Variants in MID1 observed in about 807,000 individuals in gnomAD.
MID1 encodes E3 ubiquitin-protein ligase Midline-1.
A neutral mutation model predicts 40.4 loss-of-function variants in MID1; 7 were observed. The observed-to-expected ratio is 0.17, with a 90% confidence interval of 0.10 to 0.33. MID1 has a LOEUF of 0.33. MID1 is among the 10% of genes least tolerant of loss of function. MID1 has a pLI of 1.00. For synonymous variants in MID1, 229 were observed against 221.2 expected (o/e 1.04, Z -0.31); for missense variants, 367 against 558.5 (o/e 0.66, Z 3.46).
At chrX:10,802,911 A>C (rs1342635534) in intron 1 of MID1, among the ~76,000 whole-genome samples, 1 of 111,962 alleles carries the variant, frequency 8.9e-6, no homozygotes, top group Non-Finnish European at 1.9e-5. Flanking sequence ...ACCCTAAGTC[A>C]ATTAACATAG....
chrX:10,783,564 C>G (rs771538719), intron 1 of MID1, among the ~76,000 whole-genome samples: 1 of 111,704 alleles, frequency 9.0e-6, no homozygotes, highest in Non-Finnish European at 1.9e-5. Context: ...ATGCGAGACA[C>G]CCAACAACCA....
chrX:10,511,995 G>T (rs1442563197), intron 3 of MID1, among the ~76,000 whole-genome samples: 1 of 112,268 alleles, frequency 8.9e-6, no homozygotes, highest in Non-Finnish European at 1.9e-5. Context: ...GGATTTTAGA[G>T]CATTTCGGAT....
intron 1 of MID1, among the ~76,000 whole-genome samples, chrX:10,725,355 GA>G (rs1924117694): frequency 1.8e-5 from 2 of 111,281 alleles, no homozygotes; most frequent in African/African-American, 6.5e-5. Context: ...TTTGATGAAA[GA>G]AAAGAGAACA....
At chrX:10,672,544 G>A (rs914897295) in intron 1 of MID1, among the ~76,000 whole-genome samples, 5 of 111,066 alleles carry the variant, frequency 4.5e-5, no homozygotes, top group East Asian at 2.8e-4. Flanking sequence ...AACATGCAGC[G>A]CCATGAGCCA....
chrX:10,580,198 G>A (rs866535483), intron 1 of MID1, among the ~76,000 whole-genome samples: 100 of 38,869 alleles, frequency 2.6e-3, no homozygotes, highest in African/African-American at 9.8e-3. Context: ...GCCCCCCCCC[G>A]CCCCGCCCTT....
At chrX:10,692,948 T>G (rs1471715928) in intron 1 of MID1, among the ~76,000 whole-genome samples, 1 of 111,301 alleles carries the variant, frequency 9.0e-6, no homozygotes, top group Non-Finnish European at 1.9e-5. Flanking sequence ...TAATCAACAC[T>G]TCTTCCCCAA....
At chrX:10,811,396 A>T (rs1461428252) in intron 1 of MID1, among the ~76,000 whole-genome samples, 2 of 112,007 alleles carry the variant, frequency 1.8e-5, no homozygotes, top group Non-Finnish European at 3.8e-5. Context: ...TAACACATTG[A>T]CTCCATTTAA....
chrX:10,544,392 T>C (rs193231135), intron 2 of MID1, among the ~76,000 whole-genome samples: 1 of 111,733 alleles, frequency 8.9e-6, no homozygotes, highest in Non-Finnish European at 1.9e-5. Context: ...CCAAAGAGAT[T>C]TGAAATCTTA....
chrX:10,799,809 TATTTCCCAAAGAAGAA>T (rs992826484), intron 1 of MID1, among the ~76,000 whole-genome samples: 2 of 111,938 alleles, frequency 1.8e-5, no homozygotes, highest in Admixed American at 9.5e-5. Flanking sequence ...TTTATTCCCA[TATTTCCCAAAGAAGAA>T]ATTTCCCAAA....
At chrX:10,459,534 G>T in intron 8 of MID1, 112 bp downstream of exon 8, 1 of 839,175 alleles carries the variant, frequency 1.2e-6, no homozygotes, top group Non-Finnish European at 1.8e-6. Flanking sequence ...TACTTGTTTT[G>T]GGGGGCTGTC....
chrX:10,545,103 C>G (rs1933631536), intron 2 of MID1, among the ~76,000 whole-genome samples: 1 of 110,993 alleles, frequency 9.0e-6, no homozygotes, highest in South Asian at 3.8e-4. Context: ...ACTACAGGCA[C>G]AGGCACATAC....
intron 1 of MID1, among the ~76,000 whole-genome samples, chrX:10,719,780 C>A (rs2043335206): frequency 9.0e-6 from 1 of 111,194 alleles, no homozygotes; most frequent in Admixed American, 9.6e-5. Flanking sequence ...AGGCATCATG[C>A]TACCTGACTT....
intron 3 of MID1, among the ~76,000 whole-genome samples, chrX:10,503,754 A>C (rs1931676740): frequency 8.9e-6 from 1 of 111,982 alleles, no homozygotes; most frequent in African/African-American, 3.2e-5. Context: ...AGCTCCGAGG[A>C]ACCTCATGAT....
intron 3 of MID1, among the ~76,000 whole-genome samples, chrX:10,497,870 T>C (rs1417997968): frequency 1.8e-5 from 2 of 112,021 alleles, no homozygotes; most frequent in South Asian, 3.7e-4. Context: ...AAGGTATCTA[T>C]TCCAAGCACC....
At chrX:10,565,503 T>C (rs1054351406) in intron 2 of MID1, 14 of 329,935 alleles carry the variant, frequency 4.2e-5, no homozygotes, top group African/African-American at 1.9e-4. Context: ...AAGGTGACAC[T>C]GTTTTCTAAG....
intron 1 of MID1, among the ~76,000 whole-genome samples, chrX:10,597,948 G>A (rs1935444685): frequency 9.0e-6 from 1 of 111,628 alleles, no homozygotes; most frequent in African/African-American, 3.3e-5. Context: ...GTCTGGGTTA[G>A]GAGGCACATG....
chrX:10,715,810 G>A (rs186316795), intron 1 of MID1, among the ~76,000 whole-genome samples: 1,808 of 111,742 alleles, frequency 0.016, 39 homozygotes, highest in African/African-American at 0.056. Flanking sequence ...GGGGCAGACT[G>A]ACACCTCACA....
intron 1 of MID1, among the ~76,000 whole-genome samples, chrX:10,783,597 G>A (rs1480026233): frequency 8.9e-6 from 1 of 111,847 alleles, no homozygotes; most frequent in East Asian, 2.8e-4. Flanking sequence ...AAATGTACAG[G>A]AAACCAGAAA....
chrX:10,788,475 A>G (rs1321403887), intron 1 of MID1, among the ~76,000 whole-genome samples: 1 of 111,563 alleles, frequency 9.0e-6, no homozygotes, highest in Non-Finnish European at 1.9e-5. Context: ...AGGGAGAAGA[A>G]TGAAGCACCA....
Sources: gnomAD v4.1 joint callset for allele counts (sites outside exome capture counted in the v4.1 genomes callset) on GRCh38, gnomAD v4.1.1 for gene constraint, MANE v1.5 for transcripts, NCBI Gene and HGNC (gene_info 2026-07-23, HGNC 2026-07-21) for gene names.